SRD5A2: variants seen among roughly 807,000 people sequenced by gnomAD.
SRD5A2 encodes the protein 3-oxo-5-alpha-steroid 4-dehydrogenase 2.
In SRD5A2, 30 loss-of-function variants were observed where a neutral mutation model predicts 27.4. That is an observed-to-expected ratio of 1.10 (90% CI 0.82 to 1.49). SRD5A2 has a LOEUF of 1.49. SRD5A2 is among the 40% of genes most tolerant of loss of function. The probability of loss-of-function intolerance (pLI) is 0.00; values close to 1 mark genes in which losing one functional copy is unlikely to be tolerated. For synonymous variants in SRD5A2, 141 were observed against 133.6 expected (o/e 1.06, Z -0.38); for missense variants, 348 against 323.4 (o/e 1.08, Z -0.58).
chr2:31,568,571 AC>A, intron 1 of SRD5A2, among the ~76,000 whole-genome samples: 1 of 152,082 alleles, frequency 6.6e-6, no homozygotes, highest in South Asian at 2.1e-4. Context: ...CAGAAAAAGC[AC>A]CATAAATTGT....
At chr2:31,613,346 G>A in the SRD5A2 span, among the ~76,000 whole-genome samples, 2 of 152,006 alleles carry the variant, frequency 1.3e-5, no homozygotes, top group East Asian at 1.9e-4. Flanking sequence ...ACTAAAAAAT[G>A]AGCAAAGAGT....
At chr2:31,606,994 T>C in the SRD5A2 span, among the ~76,000 whole-genome samples, 2 of 151,970 alleles carry the variant, frequency 1.3e-5, no homozygotes, top group African/African-American at 4.8e-5. Context: ...ACAGCAGAGA[T>C]GTAAAAATAA....
the SRD5A2 span, among the ~76,000 whole-genome samples, chr2:31,640,112 T>C: frequency 6.6e-6 from 1 of 152,064 alleles, no homozygotes; most frequent in African/African-American, 2.4e-5. Context: ...TTTCTTTTGC[T>C]TAGTTCATTT....
the SRD5A2 span, among the ~76,000 whole-genome samples, chr2:31,611,735 T>A: frequency 2.6e-5 from 4 of 152,168 alleles, no homozygotes; most frequent in African/African-American, 7.2e-5. Flanking sequence ...TACAACCACT[T>A]TGGAGAACTG....
At chr2:31,650,040 A>G in the SRD5A2 span, among the ~76,000 whole-genome samples, 1 of 152,116 alleles carries the variant, frequency 6.6e-6, no homozygotes, top group Non-Finnish European at 1.5e-5. Context: ...CTAGCACTGG[A>G]TGAAGGTTAT....
intron 4 of SRD5A2, among the ~76,000 whole-genome samples, chr2:31,527,873 A>G (rs1665817978): frequency 6.6e-6 from 1 of 152,156 alleles, no homozygotes; most frequent in African/African-American, 2.4e-5. Context: ...TAAATCTTCA[A>G]AACTAGGCAT....
the SRD5A2 span, among the ~76,000 whole-genome samples, chr2:31,632,484 A>T: frequency 5.3e-5 from 8 of 152,188 alleles, no homozygotes; most frequent in Non-Finnish European, 1.2e-4. Flanking sequence ...GCCACTAACC[A>T]GATGATTCAG....
the SRD5A2 span, among the ~76,000 whole-genome samples, chr2:31,638,119 T>C: frequency 6.6e-6 from 1 of 152,110 alleles, no homozygotes; most frequent in East Asian, 1.9e-4. Context: ...GATTTTGATA[T>C]GTTGCATTTT....
chr2:31,596,140 G>A, the SRD5A2 span, among the ~76,000 whole-genome samples: 2 of 152,118 alleles, frequency 1.3e-5, no homozygotes, highest in African/African-American at 4.8e-5. Context: ...TGCAAGGTGT[G>A]GTGCTCACGC....
At chr2:31,615,031 T>G in the SRD5A2 span, among the ~76,000 whole-genome samples, 2 of 152,132 alleles carry the variant, frequency 1.3e-5, no homozygotes, top group African/African-American at 4.8e-5. Context: ...ATGTAAGACA[T>G]GCCTTTCATC....
At chr2:31,658,273 TAGAA>T in the SRD5A2 span, among the ~76,000 whole-genome samples, 53 of 151,962 alleles carry the variant, frequency 3.5e-4, no homozygotes, top group African/African-American at 1.3e-3. Flanking sequence ...ATCAAAAACT[TAGAA>T]AGATCTCAAA....
chr2:31,560,567 C>T (rs1268869452), intron 1 of SRD5A2, among the ~76,000 whole-genome samples: 1 of 152,182 alleles, frequency 6.6e-6, no homozygotes, highest in African/African-American at 2.4e-5. Context: ...AATATAGGCC[C>T]CTGAAAAACC....
rs149061308 is a variant in SRD5A2 at position 31,536,695 on chromosome 2, A to C, written c.282-2929T>G. On this transcript the variant is annotated intron_variant, in intron 1 of 4. Transcript: ENST00000622030. ...TATTGGAAAGCTGGAAATAGTTCAAAGCTTGTTTCACTGTAGAAAAAGACA... is the reference window on the plus strand; with the variant it reads ...TATTGGAAAGCTGGAAATAGTTCAACGCTTGTTTCACTGTAGAAAAAGACA... Among the ~76,000 whole-genome samples, 985 of 152,198 alleles carry C rather than the reference A, an allele frequency of 6.5e-3. 6 individuals are homozygous for C. The highest frequency in any genetic ancestry group is 0.022 in the African/African-American group (917 of 41,486).
chr2:31,624,359 TTAA>T, the SRD5A2 span, among the ~76,000 whole-genome samples: 7 of 152,204 alleles, frequency 4.6e-5, no homozygotes, highest in African/African-American at 1.7e-4. Context: ...CTTTTTTTAA[TTAA>T]TTATTATTTT....
chr2:31,533,903 T>C (rs973954285), intron 1 of SRD5A2, 137 bp from the exon 2 acceptor site: 6 of 936,840 alleles, frequency 6.4e-6, no homozygotes, highest in Non-Finnish European at 7.6e-6. Context: ...ATACAAATTA[T>C]CTTCTCCAGG....
rs538387943 is a variant in SRD5A2 at position 31,556,218 on chromosome 2, G to A, written c.282-22452C>T. ...GATGGTACCTGTTGTGTAAATAATG[G>A]TTTTAGACATATTAGAGAATGGGAT... On this transcript the variant is annotated intron_variant, in intron 1 of 4. Coordinates refer to ENST00000622030, the MANE Select transcript of SRD5A2 (RefSeq NM_000348.4). Among the ~76,000 whole-genome samples the A allele has an allele frequency of 3.3e-5, 5 of 152,236 alleles. No homozygotes were observed. The East Asian group carries it at 5.8e-4, about 18-fold the overall frequency.
the SRD5A2 span, among the ~76,000 whole-genome samples, chr2:31,631,397 G>A: frequency 5.3e-5 from 8 of 152,146 alleles, no homozygotes; most frequent in Non-Finnish European, 1.0e-4. Context: ...ATAAGCATTA[G>A]GACCTTAGAG....
intron 1 of SRD5A2, among the ~76,000 whole-genome samples, chr2:31,559,518 T>A (rs1666571789): frequency 6.6e-6 from 1 of 152,148 alleles, no homozygotes. Flanking sequence ...TTAACATACA[T>A]TTGCATAAAA....
chr2:31,570,289 A>C (rs1382922247), intron 1 of SRD5A2, among the ~76,000 whole-genome samples: 1 of 152,226 alleles, frequency 6.6e-6, no homozygotes, highest in Non-Finnish European at 1.5e-5. Context: ...TGATTATCTT[A>C]ATAGATTCAG....
Sources: gnomAD v4.1 joint callset for allele counts (sites outside exome capture counted in the v4.1 genomes callset) on GRCh38, gnomAD v4.1.1 for gene constraint, MANE v1.5 for transcripts, NCBI Gene and HGNC (gene_info 2026-07-23, HGNC 2026-07-21) for gene names.